Variants in MYPN observed in about 807,000 individuals in gnomAD.
MYPN encodes sarcomeric protein myopalladin, 145 kDa (MYOP).
A neutral mutation model predicts 129.4 loss-of-function variants in MYPN; 63 were observed. The observed-to-expected ratio is 0.49, with a 90% CI of 0.40 to 0.60. The LOEUF (loss-of-function observed/expected upper bound fraction) is 0.60, where lower values mean the gene tolerates loss of function less well. MYPN is among the 20% of genes least tolerant of loss of function. The pLI is 0.00. For missense variants in MYPN, 1,596 were observed against 1,635.4 expected, an observed-to-expected ratio of 0.98 and a Z score of 0.42; for synonymous variants, 629 against 600.9, an observed-to-expected ratio of 1.05 and a Z score of -0.68.
intron 12 of MYPN, among the ~76,000 whole-genome samples, chr10:68,182,339 A>T (rs2043335235): frequency 1.2e-5 from 1 of 80,076 alleles, no homozygotes; most frequent in African/African-American, 4.0e-5. Flanking sequence ...TATAACACAC[A>T]CATATATAAC....
At position 68,175,373 on chromosome 10, in the gene MYPN, A is replaced by G. The variant is rs1429733850; in HGVS notation, c.2615A>G (p.Asn872Ser). 7 of 1,614,056 alleles carry G rather than the reference A, an allele frequency of 4.3e-6. No homozygotes were observed. The Middle Eastern group carries it at 4.9e-4, about 114-fold the overall frequency. The change falls in exon 12 of 20, where the codon AAT becomes AGT. Residue 872 changes from asparagine to serine, a missense_variant. Physicochemically the swap from Asn to Ser is conservative, Grantham distance 46. Transcript: ENST00000358913. ...AATACAAAGTCTCCTCAACCAGTGA[A>G]TGATGATAACATTCGTGAAACTAAG... Reference protein sequence around the residue: ...KKNTKSPQPVNDDNIRETKNA... With the variant: ...KKNTKSPQPVSDDNIRETKNA...
At chr10:68,182,965 T>C (rs1183575206) in intron 12 of MYPN, among the ~76,000 whole-genome samples, 5 of 152,216 alleles carry the variant, frequency 3.3e-5, no homozygotes, top group Non-Finnish European at 7.3e-5. Flanking sequence ...ATTGCTTCTG[T>C]AGTTCCTTTG....
At chr10:68,123,550 G>T (rs1198599341) in intron 2 of MYPN, among the ~76,000 whole-genome samples, 1 of 151,214 alleles carries the variant, frequency 6.6e-6, no homozygotes, top group Non-Finnish European at 1.5e-5. Flanking sequence ...GCCAAGCATG[G>T]TGGCGGGCGC....
chr10:68,194,228 A>T, intron 13 of MYPN, 135 bp from the exon 14 acceptor site: 1 of 831,954 alleles, frequency 1.2e-6, no homozygotes, highest in Non-Finnish European at 1.9e-6. Context: ...TATGTTTTAT[A>T]ACTTTTTTTC....
intron 1 of MYPN, among the ~76,000 whole-genome samples, chr10:68,120,771 T>C (rs188098495): frequency 1.3e-5 from 2 of 152,302 alleles, no homozygotes; most frequent in Admixed American, 1.3e-4. Flanking sequence ...ATGAAAGCAC[T>C]GTATAACTAA....
At chr10:68,104,009 T>G (rs1288896301), upstream of MYPN, among the ~76,000 whole-genome samples, 1 of 152,234 alleles carries the variant, frequency 6.6e-6, no homozygotes, top group Non-Finnish European at 1.5e-5. Flanking sequence ...TGTAACTCAC[T>G]GGTTGGGTAA....
intron 2 of MYPN, among the ~76,000 whole-genome samples, chr10:68,131,628 C>T (rs183528470): frequency 6.6e-6 from 1 of 152,278 alleles, no homozygotes; most frequent in East Asian, 1.9e-4. Context: ...ATCCTCCTGC[C>T]TGGTTGTCCT....
intron 15 of MYPN, among the ~76,000 whole-genome samples, chr10:68,197,040 G>A (rs2043618939): frequency 1.3e-5 from 2 of 152,048 alleles, no homozygotes; most frequent in Admixed American, 6.6e-5. Context: ...TATTTTGATG[G>A]CTTTTGAATA....
Position 68,142,251 on chromosome 10 carries a change from A to G in MYPN, c.903-689A>G, listed in dbSNP as rs576527282. Among the ~76,000 whole-genome samples the G allele has an allele frequency of 3.3e-5, 5 of 152,240 alleles. No homozygotes were observed. The South Asian group carries it at 8.3e-4, about 25-fold the overall frequency. ...GAATTTCCATTTAATTTTAATGTCC[A>G]TTTCTCTTATTATGCACCTCTACAT... On this transcript the variant is annotated intron_variant, in intron 2 of 19. Transcript: ENST00000358913.
chr10:68,181,117 A>G (rs970018024), intron 12 of MYPN, among the ~76,000 whole-genome samples: 2 of 152,142 alleles, frequency 1.3e-5, no homozygotes, highest in South Asian at 2.1e-4. Flanking sequence ...TGTAGACGTC[A>G]TCTATGAGCA....
chr10:68,129,909 T>A (rs2042383076), intron 2 of MYPN, among the ~76,000 whole-genome samples: 1 of 152,226 alleles, frequency 6.6e-6, no homozygotes, highest in Non-Finnish European at 1.5e-5. Context: ...TAAATTTTTG[T>A]AGCATTTTGG....
At chr10:68,117,723 T>C (rs772460075) in intron 1 of MYPN, among the ~76,000 whole-genome samples, 18 of 152,088 alleles carry the variant, frequency 1.2e-4, no homozygotes, top group Non-Finnish European at 2.4e-4. Flanking sequence ...ACTTCACTAG[T>C]TCTGCCTCCA....
chr10:68,205,717 C>T (rs571466572), intron 18 of MYPN, among the ~76,000 whole-genome samples: 1 of 152,068 alleles, frequency 6.6e-6, no homozygotes, highest in South Asian at 2.1e-4. Context: ...TTGTCCTGTT[C>T]ATCTTTACAC....
At chr10:68,138,054 CT>C (rs1347345793) in intron 2 of MYPN, among the ~76,000 whole-genome samples, 1 of 151,762 alleles carries the variant, frequency 6.6e-6, no homozygotes, top group African/African-American at 2.4e-5. Flanking sequence ...ATGATTTTTA[CT>C]GCTTCATCAA....
chr10:68,106,274 GT>G (rs1299520782), upstream of MYPN: 14 of 392,634 alleles, frequency 3.6e-5, no homozygotes, highest in Non-Finnish European at 9.9e-6. Flanking sequence ...AACTAAGTGG[GT>G]TTTGAACTTT....
At chr10:68,208,837 C>T (rs879332595) in intron 19 of MYPN, among the ~76,000 whole-genome samples, 13 of 152,158 alleles carry the variant, frequency 8.5e-5, no homozygotes, top group Non-Finnish European at 1.8e-4. Context: ...TAGGGCTCCC[C>T]TCTCTTCTCT....
In MYPN at chr10:68,206,941, C is replaced by T. The variant is rs527581517; in HGVS notation, c.3793+38C>T. The T allele has an allele frequency of 3.8e-5, 61 of 1,613,370 alleles. 1 individual carries two copies. The South Asian group carries it at 6.5e-4, about 17-fold the overall frequency. ...CTGTTAGTTGAACATCTGTATGCAA[C>T]TGACAGCTTAAAAATATTTTTTTAA... On this transcript the variant is annotated intron_variant, in intron 19 of 19. Coordinates refer to ENST00000358913, the MANE Select transcript of MYPN (RefSeq NM_032578.4).
intron 4 of MYPN, among the ~76,000 whole-genome samples, chr10:68,146,333 C>T (rs941597031): frequency 6.6e-6 from 1 of 152,102 alleles, no homozygotes; most frequent in Non-Finnish European, 1.5e-5. Context: ...TCTTATTTGT[C>T]CTGCAAAACC....
chr10:68,137,995 A>G (rs928285364), intron 2 of MYPN, among the ~76,000 whole-genome samples: 17 of 152,256 alleles, frequency 1.1e-4, no homozygotes, highest in South Asian at 8.3e-4. Flanking sequence ...TCATTTTACC[A>G]CCCAAATATT....
Sources: gnomAD v4.1 joint callset for allele counts (sites outside exome capture counted in the v4.1 genomes callset) on GRCh38, gnomAD v4.1.1 for gene constraint, MANE v1.5 for transcripts, NCBI Gene and HGNC (gene_info 2026-07-23, HGNC 2026-07-21) for gene names.